Variants in RAD51B observed in about 807,000 individuals in gnomAD.
The protein encoded by RAD51B is RAD51 paralog B, also known as DNA repair protein RAD51 homolog 2.
RAD51B carries 38 observed loss-of-function variants against 42.2 expected under a neutral mutation model. That is an observed-to-expected ratio of 0.90 (90% CI 0.70 to 1.18). The LOEUF (loss-of-function observed/expected upper bound fraction) is 1.18, where lower values mean the gene tolerates loss of function less well. RAD51B is among the 50% of genes most tolerant of loss of function. RAD51B has a pLI of 0.00. For synonymous variants in RAD51B, 154 were observed against 145.2 expected, an observed-to-expected ratio of 1.06 and a Z score of -0.43; for missense variants, 373 against 400.7, an observed-to-expected ratio of 0.93 and a Z score of 0.59.
At chr14:68,260,885 A>C (rs959638407) in intron 7 of RAD51B, among the ~76,000 whole-genome samples, 7 of 152,252 alleles carry the variant, frequency 4.6e-5, no homozygotes, top group African/African-American at 1.7e-4. Context: ...ATATTTGAAG[A>C]TATACTTAGA....
At chr14:68,456,555 A>G (rs577105130) in intron 9 of RAD51B, among the ~76,000 whole-genome samples, 2 of 152,328 alleles carry the variant, frequency 1.3e-5, no homozygotes, top group African/African-American at 4.8e-5. Context: ...ATGTATGTGC[A>G]CCTAACACCT....
intron 7 of RAD51B, among the ~76,000 whole-genome samples, chr14:68,177,982 G>A (rs997412127): frequency 6.6e-6 from 1 of 152,126 alleles, no homozygotes; most frequent in Non-Finnish European, 1.5e-5. Context: ...AGAATACCTG[G>A]TCTCTCAGCA....
At chr14:68,004,522 A>G (rs896020307) in intron 7 of RAD51B, among the ~76,000 whole-genome samples, 2 of 152,094 alleles carry the variant, frequency 1.3e-5, no homozygotes, top group Non-Finnish European at 2.9e-5. Flanking sequence ...CATCATGAAG[A>G]TATGGTAAAA....
At chr14:67,884,378 A>C (rs147996617) in intron 5 of RAD51B, among the ~76,000 whole-genome samples, 2 of 152,158 alleles carry the variant, frequency 1.3e-5, no homozygotes, top group Non-Finnish European at 2.9e-5. Context: ...GGTACTCTCA[A>C]TCTGGTTCCT....
At chr14:68,408,174 G>C (rs554994713) in intron 8 of RAD51B, among the ~76,000 whole-genome samples, 3 of 152,242 alleles carry the variant, frequency 2.0e-5, no homozygotes, top group African/African-American at 7.2e-5. Flanking sequence ...CTAAGGGTGA[G>C]GTAGGAGAAA....
At chr14:67,947,149 C>T (rs931890876) in intron 7 of RAD51B, among the ~76,000 whole-genome samples, 4 of 152,090 alleles carry the variant, frequency 2.6e-5, no homozygotes, top group Non-Finnish European at 5.9e-5. Context: ...TTGCTATTAC[C>T]ATTATCATCA....
chr14:67,858,051 C>CA (rs2042053318), intron 4 of RAD51B: 1 of 152,538 alleles, frequency 6.6e-6, no homozygotes, highest in South Asian at 2.1e-4. Context: ...CCCGTGGAGG[C>CA]ACCCAGGTAA....
chr14:68,490,930 A>G (rs1884020188), intron 10 of RAD51B, among the ~76,000 whole-genome samples: 3 of 152,238 alleles, frequency 2.0e-5, no homozygotes, highest in African/African-American at 4.8e-5. Context: ...GGGGCCTTAC[A>G]CTGTCAAACT....
chr14:68,261,247 G>T (rs558992502), intron 7 of RAD51B, among the ~76,000 whole-genome samples: 1 of 152,294 alleles, frequency 6.6e-6, no homozygotes, highest in Non-Finnish European at 1.5e-5. Flanking sequence ...ATCTTCTTTT[G>T]TTCCTGCCAC....
intron 7 of RAD51B, among the ~76,000 whole-genome samples, chr14:67,978,273 A>G (rs896479758): frequency 6.6e-6 from 1 of 152,160 alleles, no homozygotes; most frequent in African/African-American, 2.4e-5. Flanking sequence ...TGAATTAGAG[A>G]AATTAAGAAA....
intron 7 of RAD51B, among the ~76,000 whole-genome samples, chr14:67,918,677 A>G (rs1019833560): frequency 5.3e-5 from 8 of 152,208 alleles, no homozygotes; most frequent in African/African-American, 1.9e-4. Flanking sequence ...CAGAGAGTAA[A>G]AACAAGTCAC....
chr14:68,574,462 C>T (rs1464750096), intron 10 of RAD51B, among the ~76,000 whole-genome samples: 1 of 152,212 alleles, frequency 6.6e-6, no homozygotes, highest in Non-Finnish European at 1.5e-5. Context: ...CCAGTCCAGC[C>T]CACCAGACAT....
chr14:68,008,948 C>G (rs1483702181), intron 7 of RAD51B, among the ~76,000 whole-genome samples: 1 of 151,976 alleles, frequency 6.6e-6, no homozygotes, highest in African/African-American at 2.4e-5. Flanking sequence ...AGATACGCAG[C>G]AGGCCCATTT....
intron 8 of RAD51B, among the ~76,000 whole-genome samples, chr14:68,332,495 T>C (rs2082369759): frequency 6.6e-6 from 1 of 152,230 alleles, no homozygotes; most frequent in Non-Finnish European, 1.5e-5. Flanking sequence ...TCTAAACCTC[T>C]ATAGGGTGCA....
intron 8 of RAD51B, among the ~76,000 whole-genome samples, chr14:68,296,103 A>G (rs2081608731): frequency 6.6e-6 from 1 of 152,164 alleles, no homozygotes; most frequent in Admixed American, 6.5e-5. Context: ...TTAGGGCAAC[A>G]TCAACAACAC....
chr14:67,835,687 CAA>C (rs143742757), intron 4 of RAD51B, among the ~76,000 whole-genome samples: 1 of 145,816 alleles, frequency 6.9e-6, no homozygotes. Context: ...CTGTCTTTAC[CAA>C]AAAAAAAATA....
At chr14:68,588,241 T>C (rs1890581653) in intron 10 of RAD51B, among the ~76,000 whole-genome samples, 1 of 152,106 alleles carries the variant, frequency 6.6e-6, no homozygotes, top group African/African-American at 2.4e-5. Context: ...TGTAACCTAT[T>C]ATAAAGGGCT....
At chr14:68,138,037 G>T (rs924718029) in intron 7 of RAD51B, among the ~76,000 whole-genome samples, 1 of 152,140 alleles carries the variant, frequency 6.6e-6, no homozygotes, top group Non-Finnish European at 1.5e-5. Flanking sequence ...ATTTGAGCTT[G>T]CCTTGCTCAT....
chr14:68,021,763 G>A (rs1022853653), intron 7 of RAD51B, among the ~76,000 whole-genome samples: 2 of 152,150 alleles, frequency 1.3e-5, no homozygotes, highest in Admixed American at 1.3e-4. Context: ...ACTTATGTTT[G>A]CACTGTACGG....
Sources: allele counts gnomAD v4.1 joint callset (sites outside exome capture counted in the v4.1 genomes callset), GRCh38; gene constraint gnomAD v4.1.1; transcripts MANE v1.5; gene names NCBI Gene and HGNC (gene_info 2026-07-23, HGNC 2026-07-21).